The following SPHK2 variants were observed in gnomAD, a reference collection of about 807,000 sequenced individuals.
The protein encoded by SPHK2 is sphingosine kinase 2.
A neutral mutation model predicts 32.3 loss-of-function variants in SPHK2; 18 were observed. That is an observed-to-expected ratio of 0.56 (90% confidence interval 0.39 to 0.83). The LOEUF (loss-of-function observed/expected upper bound fraction) is 0.83, where lower values mean the gene tolerates loss of function less well. SPHK2 is among the 40% of genes least tolerant of loss of function. The pLI, the probability that SPHK2 is intolerant of heterozygous loss-of-function variation, is 0.00. For missense variants in SPHK2, 850 were observed against 908.7 expected (o/e 0.94, Z 0.83); for synonymous variants, 462 against 417.6 (o/e 1.11, Z -1.30).
Position 48,624,859 on chromosome 19 carries a change from A to T in SPHK2, c.40-1032A>T, listed in dbSNP as rs1283955298. ...GGGGCAGATGTAGTTCCTAAGGGTG[A>T]GTCCACAGGCGGTGGGGGGTGGGGG... On this transcript the variant is annotated intron_variant, in intron 2 of 6. Transcript: ENST00000245222. 5.6e-6 allele frequency: 5 copies of T among 896,592 alleles called. No homozygotes were observed. In the African/African-American group the frequency reaches 1.4e-4, roughly 25 times the overall value. 55.5% of individuals were successfully genotyped at this position (896,592 alleles called of 1,614,324 possible).
chr19:48,624,629 C>G (rs1310433910), intron 2 of SPHK2: 3 of 152,542 alleles, frequency 2.0e-5, no homozygotes, highest in African/African-American at 7.2e-5. Flanking sequence ...GGCCCAGGGC[C>G]AGACACGCAG....
rs746411225 is a variant in SPHK2 at position 48,629,515 on chromosome 19, C to T, written c.1707C>T (p.Cys569=). 15 of 1,606,734 alleles carry T rather than the reference C, an allele frequency of 9.3e-6. No individual in the cohort carries two copies. In the South Asian group the frequency reaches 1.5e-4, roughly 17 times the overall value. ...TCGACGACGGCCTGGTGCACCTGTG[C>T]TGGGTGCGTAGCGGCATCTCGCGGG... ...ARFDDGLVHL[C]WVRSGISRAA... is the part of the protein sequence containing the mutation. The change falls in exon 7 of 7, where the codon TGC becomes TGT. Residue 569 remains cysteine (C), a synonymous_variant. Transcript: ENST00000245222.
In SPHK2 at chr19:48,629,553, G is replaced by A. The variant is rs1360070972; in HGVS notation, c.1745G>A (p.Arg582His). The change falls in exon 7 of 7, where the codon CGC becomes CAC. Residue 582 changes from arginine (R) to histidine (H), a missense_variant. Arg to His is a conservative substitution (Grantham distance 29). Coordinates refer to ENST00000245222, the MANE Select transcript of SPHK2 (RefSeq NM_020126.5). ...GGCATCTCGCGGGCTGCGCTGCTGC[G>A]CCTTTTCTTGGCCATGGAGCGTGGT... ...RSGISRAALL[R>H]LFLAMERGSH... 1 of 1,602,460 alleles carries A rather than the reference G, an allele frequency of 6.2e-7. No individual in the cohort carries two copies.
Position 48,630,039 on chromosome 19 carries a change from A to T in SPHK2, c.*266A>T, listed in dbSNP as rs2030466093. On this transcript the variant is annotated 3_prime_UTR_variant, in exon 7 of 7. Coordinates refer to ENST00000245222, the MANE Select transcript of SPHK2 (RefSeq NM_020126.5). The surrounding 1 kb of genome is among the most constrained non-coding windows in gnomAD (Gnocchi z 4.9). ...TGATCTGGGGCCGCCCTTACGGGGC[A>T]GGGCTCAGTCCTGACGCTTGCCACC... 7.5e-7 allele frequency: 1 copy of T among 1,337,292 alleles called. No individual in the cohort carries two copies. Among genetic ancestry groups the T allele is most frequent in the Admixed American group, 3.4e-5 (1 of 29,230 alleles). The allele number at this position is 1,337,292 out of a possible 1,614,324, so 82.8% of individuals were successfully genotyped here. A position where few individuals can be genotyped will look rare whatever the true frequency, so the allele number is the denominator to read the frequency against.
At position 48,626,213 on chromosome 19, in the gene SPHK2, C is replaced by A; in HGVS notation, c.362C>A (p.Pro121His). Residue 121 changes from proline to histidine, a missense_variant, in exon 3 of 7, where the codon CCT (proline) becomes CAT (histidine). Coordinates refer to ENST00000245222, the MANE Select transcript of SPHK2 (RefSeq NM_020126.5). ...GCCTACTTCTGCATCTACACCTACC[C>A]TCGGGGCCGGCGCGGGGCCCGGCGC... is the stretch of plus-strand genomic sequence containing the variant. ...SAAYFCIYTY[P>H]RGRRGARRRA... The A allele has an allele frequency of 6.3e-7, 1 of 1,595,634 alleles. No individual in the cohort carries two copies. The highest frequency in any genetic ancestry group is 1.1e-5 in the South Asian group (1 of 89,888).
Position 48,625,925 on chromosome 19 carries a change from A to G in SPHK2, c.74A>G (p.His25Arg). The change falls in exon 3 of 7, where the codon CAC becomes CGC. Residue 25 changes from histidine to arginine, a missense_variant. His to Arg is a conservative substitution (Grantham distance 29, BLOSUM62 0). Around this residue, in one of 2 missense-constraint regions of SPHK2, gnomAD observed 544 missense variants for 640.0 expected, o/e 0.85. Transcript: ENST00000245222. ...PDQELTGSWG[H>R]GPRSTLVRAK... ...CAGGAGCTGACCGGGAGCTGGGGCCACGGGCCTAGGAGCACCCTGGTCAGG... is the reference window on the plus strand; with the variant it reads ...CAGGAGCTGACCGGGAGCTGGGGCCGCGGGCCTAGGAGCACCCTGGTCAGG... 1 of 1,611,950 alleles carries G rather than the reference A, an allele frequency of 6.2e-7. No individual in the cohort carries two copies. The highest frequency in any genetic ancestry group is 8.5e-7 in the Non-Finnish European group (1 of 1,179,462).
chr19:48,624,275 A>G (rs1974519560), intron 2 of SPHK2: 1 of 152,266 alleles, frequency 6.6e-6, no homozygotes. Flanking sequence ...CAAGCTCGCG[A>G]GCTGACTGGC....
At position 48,630,065 on chromosome 19, in the gene SPHK2, T is replaced by G; in HGVS notation, c.*292T>G. On this transcript the variant is annotated 3_prime_UTR_variant, in exon 7 of 7. Coordinates refer to ENST00000245222, the MANE Select transcript of SPHK2 (RefSeq NM_020126.5). The surrounding 1 kb of genome is among the most constrained non-coding windows in gnomAD (Gnocchi z 4.9). ...GGGCTCAGTCCTGACGCTTGCCACC[T>G]GCTCCTACCCGGCCAGGATGGCTGA... 1 of 1,287,432 alleles carries G rather than the reference T, an allele frequency of 7.8e-7. No homozygotes were observed. The highest frequency in any genetic ancestry group is 2.7e-5 in the South Asian group (1 of 36,724). 79.8% of individuals were successfully genotyped at this position (1,287,432 alleles called of 1,614,324 possible).
In SPHK2 at chr19:48,629,526, G is replaced by A; in HGVS notation, c.1718G>A (p.Ser573Asn). The change falls in exon 7 of 7, where the codon AGC (serine) becomes AAC (asparagine). Residue 573 changes from serine (S) to asparagine (N), a missense_variant. Coordinates refer to ENST00000245222, the MANE Select transcript of SPHK2 (RefSeq NM_020126.5). ...CTGGTGCACCTGTGCTGGGTGCGTA[G>A]CGGCATCTCGCGGGCTGCGCTGCTG... ...DGLVHLCWVRSGISRAALLRL... is the reference protein window; with the variant it reads ...DGLVHLCWVRNGISRAALLRL... 2 of 1,604,704 alleles carry A rather than the reference G, an allele frequency of 1.2e-6. No individual in the cohort carries two copies. Among genetic ancestry groups the A allele is most frequent in the Non-Finnish European group, 1.7e-6 (2 of 1,177,044 alleles).
At chr19:48,625,795 G>C (rs1341374141) in intron 2 of SPHK2, 96 bp from the exon 3 acceptor site, 1 of 1,540,236 alleles carries the variant, frequency 6.5e-7, no homozygotes, top group African/African-American at 1.4e-5. Flanking sequence ...ACCTGCCACT[G>C]CCCCTCATTG....
chr19:48,625,324 T>C (rs906563896), intron 2 of SPHK2: 1 of 1,123,064 alleles, frequency 8.9e-7, no homozygotes, highest in African/African-American at 1.7e-5. Flanking sequence ...CTCCTCTCAG[T>C]GTTTCTCTGG....
intron 2 of SPHK2, chr19:48,624,796 G>A: frequency 4.8e-6 from 3 of 627,044 alleles, no homozygotes; most frequent in East Asian, 1.4e-4. Flanking sequence ...TGGGGGTGAA[G>A]CAGACGTCCT....
In SPHK2 at chr19:48,629,328, G is replaced by C. The variant is rs758984825; in HGVS notation, c.1520G>C (p.Arg507Pro). 6.2e-7 allele frequency: 1 copy of C among 1,613,146 alleles called. No individual in the cohort carries two copies. Among genetic ancestry groups the C allele is most frequent in the South Asian group, 1.1e-5 (1 of 91,078 alleles). The change falls in exon 7 of 7, where the codon CGG (arginine) becomes CCG (proline). Residue 507 changes from arginine to proline, a missense_variant. By Grantham distance (103) the Arg-to-Pro change is moderately radical. This residue lies in a region of SPHK2 where 306 missense variants were observed against 268.6 expected (regional missense o/e 1.14). Coordinates refer to ENST00000245222, the MANE Select transcript of SPHK2 (RefSeq NM_020126.5). Reference protein sequence around the residue: ...SGLPLPTPDARVGASTCGPPD... With the variant: ...SGLPLPTPDAPVGASTCGPPD... ...CTCCCACTTCCCACCCCTGATGCCC[G>C]GGTAGGGGCCTCCACCTGCGGCCCG...
Position 48,629,234 on chromosome 19 carries a change from G to A in SPHK2, c.1426G>A (p.Gly476Ser). Residue 476 changes from glycine (G) to serine (S), a missense_variant, in exon 7 of 7, where the codon GGC becomes AGC. Gly to Ser is a moderately conservative substitution (Grantham distance 56, BLOSUM62 0). This residue lies in a region of SPHK2 where 306 missense variants were observed against 268.6 expected (regional missense o/e 1.14). Transcript: ENST00000245222. The stretch of plus-strand genomic sequence containing the variant: ...GGACCCACTGCTGTCTTCACCTCCT[G>A]GCTCTCCCAAGGCAGCTCTACACTC... ...SPDPLLSSPP[G>S]SPKAALHSPV... 6.2e-7 allele frequency: 1 copy of A among 1,613,474 alleles called. No homozygotes were observed. Among genetic ancestry groups the A allele is most frequent in the Non-Finnish European group, 8.5e-7 (1 of 1,179,926 alleles).
At chr19:48,627,916 C>T in intron 4 of SPHK2, 59 bp from the exon 5 acceptor site, 1 of 1,571,662 alleles carries the variant, frequency 6.4e-7, no homozygotes, top group Admixed American at 1.8e-5. Context: ...GGGTGGGACT[C>T]CTGGGTCTAT....
rs373368678 is a variant in SPHK2 at position 48,627,693 on chromosome 19, G to A, written c.513G>A (p.Glu171=). Residue 171 remains glutamate, a splice_region_variant and synonymous_variant, in exon 4 of 7, where the codon GAG becomes GAA. Transcript: ENST00000245222. Reference sequence around the variant, plus strand: ...GCAGACCCTAACCTCTCTCCACAGAGATCACCCCTGACCTGCTACCTCGGC... The same window carrying A: ...GCAGACCCTAACCTCTCTCCACAGAAATCACCCCTGACCTGCTACCTCGGC... ...LRGLPLPGDG[E]ITPDLLPRPP... is the part of the protein sequence containing the mutation. 41 of 1,587,500 alleles carry A rather than the reference G, an allele frequency of 2.6e-5. 1 individual carries two copies. Among genetic ancestry groups the A allele is most frequent in the Non-Finnish European group, 3.2e-5 (37 of 1,166,630 alleles).
rs2030437279 is a variant in SPHK2 at position 48,629,842 on chromosome 19, G to A, written c.*69G>A. The A allele has an allele frequency of 4.7e-6, 7 of 1,491,250 alleles. No homozygotes were observed. The highest frequency in any genetic ancestry group is 2.3e-5 in the East Asian group (1 of 42,584). The allele number at this position is 1,491,250 out of a possible 1,614,324, so 92.4% of individuals were successfully genotyped here. A position where few individuals can be genotyped will look rare whatever the true frequency, so the allele number is the denominator to read the frequency against. On this transcript the variant is annotated 3_prime_UTR_variant, in exon 7 of 7. Coordinates refer to ENST00000245222, the MANE Select transcript of SPHK2 (RefSeq NM_020126.5). ...CAATGGGGCGGAGCCTGAGCTAGGG[G>A]GTGTGGCCTGGCTGCTAGAGTTGTG...
rs1020458848 is a variant in SPHK2, at chr19:48,629,902, C to G, written c.*129C>G. On this transcript the variant is annotated 3_prime_UTR_variant, in exon 7 of 7. Coordinates refer to ENST00000245222, the MANE Select transcript of SPHK2 (RefSeq NM_020126.5). ...GCCCTGGCCCCGTCTCAGGATTGCG[C>G]TCGCTTTCATGGGACCAGACGTGAT... 4 of 1,438,582 alleles carry G rather than the reference C, an allele frequency of 2.8e-6. No homozygotes were observed. The highest frequency in any genetic ancestry group is 3.6e-6 in the Non-Finnish European group (4 of 1,097,522). The allele number at this position is 1,438,582 out of a possible 1,614,324, so 89.1% of individuals were successfully genotyped here. A position where few individuals can be genotyped will look rare whatever the true frequency, so the allele number is the denominator to read the frequency against.
intron 2 of SPHK2, chr19:48,625,030 G>A (rs2147680636): frequency 2.0e-6 from 2 of 990,830 alleles, no homozygotes; most frequent in East Asian, 1.1e-4. Context: ...AGGGACCTCA[G>A]TCCTGCTCCC....
Sources: gnomAD v4.1 joint callset for allele counts on GRCh38, gnomAD v4.1.1 for gene constraint, gnomAD v4.1.1 regional missense constraint, Gnocchi (gnomAD v3.1) non-coding constraint, MANE v1.5 for transcripts, NCBI Gene and HGNC (gene_info 2026-07-23, HGNC 2026-07-21) for gene names.